Variants in SEC24B observed in about 807,000 individuals in gnomAD.
SEC24B encodes SEC24 homolog B, COPII component, also known as protein transport protein Sec24B.
Under a neutral mutation model 142.8 loss-of-function variants are expected in SEC24B, and 45 were observed. The observed-to-expected ratio is 0.32, with a 90% CI of 0.25 to 0.40. The LOEUF (loss-of-function observed/expected upper bound fraction) is 0.40, where lower values mean the gene tolerates loss of function less well. SEC24B is among the 10% of genes least tolerant of loss of function. The probability of loss-of-function intolerance (pLI) is 1.00; values close to 1 mark genes in which losing one functional copy is unlikely to be tolerated. For synonymous variants in SEC24B, 574 were observed against 568.2 expected (o/e 1.01, Z -0.15); for missense variants, 1,409 against 1,526.8 (o/e 0.92, Z 1.29).
chr4:109,461,686 CTG>C (rs1482665749), intron 1 of SEC24B, among the ~76,000 whole-genome samples: 3 of 152,174 alleles, frequency 2.0e-5, no homozygotes, highest in Non-Finnish European at 4.4e-5. Flanking sequence ...TAAGCATTAA[CTG>C]TAACTATATC....
chr4:109,467,518 A>T (rs1418030549), intron 2 of SEC24B, among the ~76,000 whole-genome samples: 4 of 152,144 alleles, frequency 2.6e-5, no homozygotes, highest in Non-Finnish European at 4.4e-5. Context: ...ATTGTAATAG[A>T]TAATAAGTAC....
rs751871758 is a variant in SEC24B, at chr4:109,525,407, C to T, written c.2694C>T (p.His898=). The change falls in exon 16 of 24, where the codon CAC becomes CAT. Residue 898 remains histidine (H), a synonymous_variant. Transcript: ENST00000265175. ...IYYYPSFHYT[H]NPSQAEKLQK... Reference sequence around the variant, plus strand: ...ATTATCCATCATTCCACTATACTCACAATCCTTCACAAGCAGAAAAGTTAC... The same window carrying T: ...ATTATCCATCATTCCACTATACTCATAATCCTTCACAAGCAGAAAAGTTAC... The T allele has an allele frequency of 1.2e-6, 2 of 1,611,900 alleles. No homozygotes were observed. The highest frequency in any genetic ancestry group is 1.7e-6 in the Non-Finnish European group (2 of 1,178,782).
chr4:109,460,030 A>G (rs1242021958), intron 1 of SEC24B, among the ~76,000 whole-genome samples: 2 of 152,188 alleles, frequency 1.3e-5, no homozygotes, highest in Non-Finnish European at 1.5e-5. Flanking sequence ...AATTATTACC[A>G]TCTAAAATAA....
At chr4:109,504,379 A>G (rs919840059) in intron 6 of SEC24B, among the ~76,000 whole-genome samples, 1 of 152,126 alleles carries the variant, frequency 6.6e-6, no homozygotes, top group Non-Finnish European at 1.5e-5. Context: ...ATGCCTGTTA[A>G]TTCTTGTTTT....
chr4:109,503,083 G>A (rs1375962492), intron 6 of SEC24B, among the ~76,000 whole-genome samples: 5 of 145,314 alleles, frequency 3.4e-5, no homozygotes, highest in Admixed American at 6.9e-5. Flanking sequence ...TTTTTGAGAC[G>A]GAGTCTTGCT....
chr4:109,528,168 C>T (rs1289519344), intron 18 of SEC24B, among the ~76,000 whole-genome samples: 7 of 152,012 alleles, frequency 4.6e-5, no homozygotes, highest in Non-Finnish European at 1.0e-4. Flanking sequence ...TGGGCTCATT[C>T]CCAACACTTT....
chr4:109,513,103 T>C (rs6828487), intron 9 of SEC24B, among the ~76,000 whole-genome samples: 1 of 149,570 alleles, frequency 6.7e-6, no homozygotes, highest in South Asian at 2.1e-4. Flanking sequence ...GCCTCCCGAG[T>C]AGCTGGGACT....
At chr4:109,466,361 T>C (rs1731859909) in intron 2 of SEC24B, among the ~76,000 whole-genome samples, 1 of 152,240 alleles carries the variant, frequency 6.6e-6, no homozygotes, top group African/African-American at 2.4e-5. Flanking sequence ...ACTCAAATTA[T>C]ATTTTCACAT....
intron 4 of SEC24B, among the ~76,000 whole-genome samples, chr4:109,482,979 T>TACATACACACAC (rs1554001100): frequency 3.8e-5 from 1 of 26,406 alleles, no homozygotes. Context: ...TATATATATA[T>TACATACACACAC]ACACACACAC....
At chr4:109,479,330 A>G (rs574637734) in intron 3 of SEC24B, among the ~76,000 whole-genome samples, 15 of 152,050 alleles carry the variant, frequency 9.9e-5, no homozygotes, top group African/African-American at 3.1e-4. Flanking sequence ...AGAGGTAGCT[A>G]CTCCATGTAC....
At chr4:109,509,760 A>G (rs937118335) in intron 7 of SEC24B, among the ~76,000 whole-genome samples, 9 of 151,498 alleles carry the variant, frequency 5.9e-5, no homozygotes, top group African/African-American at 1.9e-4. Context: ...CAGGCTAGTC[A>G]TAATGGAGTA....
At chr4:109,452,820 CT>C (rs1287975719) in intron 1 of SEC24B, among the ~76,000 whole-genome samples, 1 of 152,100 alleles carries the variant, frequency 6.6e-6, no homozygotes, top group Non-Finnish European at 1.5e-5. Flanking sequence ...CAAACATTTT[CT>C]TTCTGTGTTA....
At chr4:109,526,189 TTGTTA>T (rs1561180062) in intron 16 of SEC24B, 32 bp from the exon 17 acceptor site, 1 of 1,593,016 alleles carries the variant, frequency 6.3e-7, no homozygotes. Flanking sequence ...GAAGATACTA[TTGTTA>T]ACTTGATTTT....
intron 1 of SEC24B, among the ~76,000 whole-genome samples, chr4:109,439,763 A>C (rs924396208): frequency 2.0e-5 from 3 of 149,944 alleles, no homozygotes; most frequent in Admixed American, 6.6e-5. Context: ...AGCCTCCCAA[A>C]GTGCTGGGAT....
At chr4:109,501,965 T>C (rs1736203707) in intron 6 of SEC24B, among the ~76,000 whole-genome samples, 1 of 152,226 alleles carries the variant, frequency 6.6e-6, no homozygotes, top group Non-Finnish European at 1.5e-5. Flanking sequence ...AAAGAATTAA[T>C]TTCAGGTAGT....
intron 6 of SEC24B, among the ~76,000 whole-genome samples, chr4:109,500,236 G>A (rs763511827): frequency 3.3e-5 from 5 of 152,026 alleles, no homozygotes; most frequent in African/African-American, 9.7e-5. Context: ...AAGTCATTGC[G>A]GTTCTTGCCA....
chr4:109,497,529 A>G (rs931290670), intron 6 of SEC24B, among the ~76,000 whole-genome samples: 1 of 151,314 alleles, frequency 6.6e-6, no homozygotes, highest in Non-Finnish European at 1.5e-5. Context: ...GAAGTAGACT[A>G]TTAGAAAGCA....
rs2125881961 is a variant in SEC24B at position 109,433,923 on chromosome 4, C to G, written c.54C>G (p.Pro18=). ...CGGCCGCCAGCGCCCGGATCCCGCCCAAGTTCGGCGGAGCGGCCGTCTCAG... is the reference window on the plus strand; with the variant it reads ...CGGCCGCCAGCGCCCGGATCCCGCCGAAGTTCGGCGGAGCGGCCGTCTCAG... ...SHPAASARIP[P]KFGGAAVSGA... is the part of the protein sequence containing the mutation. The change falls in exon 1 of 24, where the codon CCC becomes CCG. Residue 18 remains proline, a synonymous_variant. Coordinates refer to ENST00000265175, the MANE Select transcript of SEC24B (RefSeq NM_006323.5). 1.5e-6 allele frequency: 2 copies of G among 1,313,532 alleles called. No homozygotes were observed. Among genetic ancestry groups the G allele is most frequent in the East Asian group, 3.2e-5 (1 of 31,008 alleles). 81.4% of individuals were successfully genotyped at this position (1,313,532 alleles called of 1,614,324 possible). A position where few individuals can be genotyped will look rare whatever the true frequency, so the allele number is the denominator to read the frequency against.
intron 10 of SEC24B, among the ~76,000 whole-genome samples, chr4:109,515,430 A>G (rs895254400): frequency 2.6e-5 from 4 of 152,076 alleles, no homozygotes; most frequent in Admixed American, 2.0e-4. Flanking sequence ...GAAAAGATTT[A>G]ATATATTCTT....
Sources: allele counts gnomAD v4.1 joint callset (sites outside exome capture counted in the v4.1 genomes callset), GRCh38; gene constraint gnomAD v4.1.1; transcripts MANE v1.5; gene names NCBI Gene and HGNC (gene_info 2026-07-23, HGNC 2026-07-21).